The following DEAF1 variants were observed in gnomAD, a reference collection of about 807,000 sequenced individuals.
DEAF1 encodes deformed epidermal autoregulatory factor 1 homolog.
Under a neutral mutation model 58.9 loss-of-function variants are expected in DEAF1, and 53 were observed. The observed-to-expected ratio is 0.90, with a 90% CI of 0.72 to 1.13. DEAF1 has a LOEUF of 1.13. Ranked by LOEUF, DEAF1 falls within the 50% of genes most tolerant of loss-of-function variation. DEAF1 has a pLI of 0.00. For missense variants in DEAF1, 685 were observed against 791.4 expected (o/e 0.87, Z 1.61); for synonymous variants, 385 against 340.4 (o/e 1.13, Z -1.44).
intron 10 of DEAF1, among the ~76,000 whole-genome samples, chr11:672,692 C>CA (rs1218914511): frequency 6.6e-6 from 1 of 151,780 alleles, no homozygotes; most frequent in South Asian, 2.1e-4. Flanking sequence ...ACTAAAAATA[C>CA]AAAAAATCAG....
intron 10 of DEAF1, among the ~76,000 whole-genome samples, chr11:662,958 A>G (rs1490100805): frequency 1.3e-5 from 2 of 152,182 alleles, no homozygotes; most frequent in East Asian, 3.8e-4. Context: ...GCCCATTCCC[A>G]GCCTCCCTGA....
Position 704,003 on chromosome 11 carries a change from T to TA in DEAF1, c.-438+2568dup, listed in dbSNP as rs1284354953. 33 of 1,218,066 alleles carry TA rather than the reference T, an allele frequency of 2.7e-5. No individual in the cohort carries two copies. In the African/African-American group the frequency reaches 4.4e-4, roughly 16 times the overall value. 75.5% of individuals were successfully genotyped at this position (1,218,066 alleles called of 1,614,324 possible). On this transcript the variant is annotated intron_variant, in intron 1 of 11. Transcript: ENST00000683307. ...TCTCCTTAAAAAGTATCTAAGCTGT[T>TA]ACAGTAGCTTTCCCTTCACTTGATT...
chr11:669,730 G>C (rs1204224515), intron 10 of DEAF1, among the ~76,000 whole-genome samples: 2 of 151,484 alleles, frequency 1.3e-5, no homozygotes, highest in Non-Finnish European at 2.9e-5. Context: ...AGGAGTTCAA[G>C]ACCAGCCTGA....
chr11:690,979 G>A (rs1423798291), intron 2 of DEAF1, among the ~76,000 whole-genome samples: 3 of 152,204 alleles, frequency 2.0e-5, no homozygotes, highest in Non-Finnish European at 4.4e-5. Context: ...CATAAAATAA[G>A]CTGATAAAAC....
At chr11:665,342 T>C (rs1331818180) in intron 10 of DEAF1, among the ~76,000 whole-genome samples, 1 of 152,218 alleles carries the variant, frequency 6.6e-6, no homozygotes, top group Non-Finnish European at 1.5e-5. Flanking sequence ...TCAGAGCCTC[T>C]GAGTCCTGGC....
In DEAF1 at chr11:694,756, T is replaced by G. The variant is rs1861032104; in HGVS notation, c.289+3A>C. The G allele has an allele frequency of 7.7e-7, 1 of 1,295,916 alleles. No individual in the cohort carries two copies. The highest frequency in any genetic ancestry group is 1.6e-5 in the African/African-American group (1 of 64,356). 80.3% of individuals were successfully genotyped at this position (1,295,916 alleles called of 1,614,324 possible). A position where few individuals can be genotyped will look rare whatever the true frequency, so the allele number is the denominator to read the frequency against. Reference sequence around the variant, plus strand: ...GAGGCGAGAGGCCGGCGGGCGCACTTGCCTGCGAAGGCTGCGGCAGCGGCG... The same window carrying G: ...GAGGCGAGAGGCCGGCGGGCGCACTGGCCTGCGAAGGCTGCGGCAGCGGCG... On this transcript the variant is annotated splice_donor_region_variant and intron_variant, in intron 1 of 11. Coordinates refer to ENST00000382409, the MANE Select transcript of DEAF1 (RefSeq NM_021008.4).
At chr11:693,754 CG>C (rs1860943780) in intron 1 of DEAF1, 1 of 152,294 alleles carries the variant, frequency 6.6e-6, no homozygotes, top group Non-Finnish European at 1.5e-5. Flanking sequence ...AGCTCTGCCA[CG>C]GGCTCCCAGT....
chr11:677,030 G>A (rs1018012795), intron 9 of DEAF1, among the ~76,000 whole-genome samples: 15 of 152,316 alleles, frequency 9.8e-5, no homozygotes, highest in East Asian at 3.9e-4. Context: ...AGGGGCAAGC[G>A]GTCGATGCGA....
At chr11:666,266 C>T (rs1221430017) in intron 10 of DEAF1, 1 of 152,252 alleles carries the variant, frequency 6.6e-6, no homozygotes, top group Non-Finnish European at 1.5e-5. Context: ...CAACACTCTT[C>T]AGGGGAAGAC....
intron 10 of DEAF1, among the ~76,000 whole-genome samples, chr11:670,804 G>A (rs1369676521): frequency 7.7e-6 from 1 of 130,486 alleles, no homozygotes; most frequent in Non-Finnish European, 1.6e-5. Flanking sequence ...TTGAGACGAG[G>A]TCTCACTCTG....
chr11:676,001 C>CCGTGGCA (rs1860044453), intron 9 of DEAF1, among the ~76,000 whole-genome samples: 3 of 23,764 alleles, frequency 1.3e-4, no homozygotes, highest in African/African-American at 3.0e-4. Flanking sequence ...ACCTGGCACC[C>CCGTGGCA]CCCGGCACCC....
chr11:660,043 T>C (rs1354630479), intron 10 of DEAF1, among the ~76,000 whole-genome samples: 1 of 152,002 alleles, frequency 6.6e-6, no homozygotes, highest in African/African-American at 2.4e-5. Flanking sequence ...CACTGTGGCT[T>C]CACCAATGCC....
At chr11:693,513 G>C (rs562309867) in intron 1 of DEAF1, 1 of 152,366 alleles carries the variant, frequency 6.6e-6, no homozygotes, top group African/African-American at 2.4e-5. Flanking sequence ...CTGGGATCCA[G>C]TTCCTCAACC....
intron 1 of DEAF1, chr11:704,768 C>A: frequency 1.4e-6 from 1 of 692,332 alleles, no homozygotes; most frequent in Non-Finnish European, 2.1e-6. Context: ...CCTGGACTGT[C>A]TCCTGAGGGC....
chr11:674,620 C>A lies in DEAF1; in HGVS notation c.1419G>T (p.Leu473=), dbSNP rs1420970450. ...TGCTGGCATGCTTGGCTTGCTCAAACAGCGTCTTCAGCTGCTGCGCTGTGT... is the reference window on the plus strand; with the variant it reads ...TGCTGGCATGCTTGGCTTGCTCAAAAAGCGTCTTCAGCTGCTGCGCTGTGT... ...LLNTAQQLKT[L]FEQAKHASTY... is the part of the protein sequence containing the mutation. Residue 473 remains leucine (L), a synonymous_variant, in exon 10 of 12, where the codon CTG becomes CTT. Coordinates refer to ENST00000382409, the MANE Select transcript of DEAF1 (RefSeq NM_021008.4). The A allele has an allele frequency of 3.1e-6, 5 of 1,614,188 alleles. No homozygotes were observed. In the South Asian group the frequency reaches 5.5e-5, roughly 18 times the overall value.
intron 6 of DEAF1, among the ~76,000 whole-genome samples, 183 bp from the exon 7 acceptor site, chr11:681,272 C>T (rs1413611716): frequency 6.6e-6 from 1 of 152,142 alleles, no homozygotes; most frequent in Admixed American, 6.5e-5. Flanking sequence ...TTCACTCTAG[C>T]TGCCCACGCT....
At chr11:698,921 C>G (rs1355241013), upstream of DEAF1, 1 of 1,613,804 alleles carries the variant, frequency 6.2e-7, no homozygotes, top group South Asian at 1.1e-5. Flanking sequence ...AGGACAGCAC[C>G]CAGAGGCCCG....
chr11:667,773 C>T (rs992542120), intron 10 of DEAF1, among the ~76,000 whole-genome samples: 1 of 151,542 alleles, frequency 6.6e-6, no homozygotes, highest in Admixed American at 6.6e-5. Flanking sequence ...GGCATCACTG[C>T]ACTCCAGCCT....
rs543677240 is a variant in DEAF1 at position 678,941 on chromosome 11, T to A, written c.1127-119A>T. 74 of 1,348,690 alleles carry A rather than the reference T, an allele frequency of 5.5e-5. No individual in the cohort carries two copies. The South Asian group carries it at 9.6e-4, about 18-fold the overall frequency. The allele number at this position is 1,348,690 out of a possible 1,614,324, so 83.5% of individuals were successfully genotyped here. ...ATAGTAGCTTATGGCCACACGTGGCTACTGAGCCCCTGAAATGTGGTGATC... is the reference window on the plus strand; with the variant it reads ...ATAGTAGCTTATGGCCACACGTGGCAACTGAGCCCCTGAAATGTGGTGATC... On this transcript the variant is annotated intron_variant, in intron 8 of 11. Transcript: ENST00000382409.
Sources: allele counts gnomAD v4.1 joint callset (sites outside exome capture counted in the v4.1 genomes callset), GRCh38; gene constraint gnomAD v4.1.1; transcripts MANE v1.5; gene names NCBI Gene and HGNC (gene_info 2026-07-23, HGNC 2026-07-21).